LAMC3: variants seen among roughly 807,000 people sequenced by gnomAD.
LAMC3 encodes the protein laminin subunit gamma 3, also known as laminin subunit gamma-3.
LAMC3 carries 128 observed loss-of-function variants against 173.8 expected under a neutral mutation model. That is an observed-to-expected ratio of 0.74 (90% CI 0.64 to 0.85). The LOEUF (loss-of-function observed/expected upper bound fraction) is 0.85. LAMC3 is among the 40% of genes least tolerant of loss of function. LAMC3 has a pLI of 0.00. For missense variants in LAMC3, 2,022 were observed against 2,156.0 expected, an observed-to-expected ratio of 0.94 and a Z score of 1.23; for synonymous variants, 897 against 909.1, an observed-to-expected ratio of 0.99 and a Z score of 0.24.
intron 8 of LAMC3, among the ~76,000 whole-genome samples, chr9:131,046,888 C>T (rs1186603512): frequency 6.6e-6 from 1 of 152,092 alleles, no homozygotes; most frequent in Non-Finnish European, 1.5e-5. Context: ...GGGGCGGCCC[C>T]AGACATGAGG....
chr9:131,015,686 C>T (rs973080118), intron 1 of LAMC3, among the ~76,000 whole-genome samples: 1 of 152,094 alleles, frequency 6.6e-6, no homozygotes, highest in Non-Finnish European at 1.5e-5. Context: ...GACGGAGACT[C>T]GCTCCACCGC....
intron 20 of LAMC3, among the ~76,000 whole-genome samples, 165 bp from the exon 21 acceptor site, chr9:131,075,662 TGTCA>T (rs1358738289): frequency 6.6e-6 from 1 of 152,022 alleles, no homozygotes; most frequent in Admixed American, 6.6e-5. Context: ...GTACCTTTCC[TGTCA>T]GTCCTTGAAG....
chr9:131,074,291 G>A (rs1265567069), intron 20 of LAMC3, among the ~76,000 whole-genome samples: 1 of 151,980 alleles, frequency 6.6e-6, no homozygotes, highest in Non-Finnish European at 1.5e-5. Context: ...GCATGGGTGA[G>A]TGCTTCACTC....
Position 131,091,535 on chromosome 9 carries a change from A to G in LAMC3, c.4478-2A>G. ...AGTGAGGCTGTTTGTGCCCCACCAC[A>G]GGGTCGCTGGACACCCATCAAGCCC... On this transcript the variant is annotated splice_acceptor_variant, in intron 27 of 27. Coordinates refer to ENST00000361069, the MANE Select transcript of LAMC3 (RefSeq NM_006059.4). LOFTEE classifies it high-confidence loss of function. The G allele has an allele frequency of 1.3e-6, 2 of 1,577,480 alleles. No individual in the cohort carries two copies. Among genetic ancestry groups the G allele is most frequent in the African/African-American group, 1.3e-5 (1 of 74,354 alleles).
chr9:131,068,944 G>A lies in LAMC3; in HGVS notation c.2784G>A (p.Gln928=). Residue 928 remains glutamine, a synonymous_variant, in exon 16 of 28, where the codon CAG becomes CAA. Coordinates refer to ENST00000361069, the MANE Select transcript of LAMC3 (RefSeq NM_006059.4). ...KCHPLGSQED[Q]CHPKTGQCTC... The stretch of plus-strand genomic sequence containing the variant: ...ACCCACTGGGCTCCCAGGAGGACCA[G>A]TGCCATCCCAAGACTGGACAGTGCA... The A allele has an allele frequency of 6.2e-7, 1 of 1,614,114 alleles. No individual in the cohort carries two copies. The highest frequency in any genetic ancestry group is 8.5e-7 in the Non-Finnish European group (1 of 1,180,024).
chr9:131,046,180 CTTTTTTTTTTTTTTTTT>C (rs61108655), intron 8 of LAMC3, among the ~76,000 whole-genome samples: 5 of 76,542 alleles, frequency 6.5e-5, no homozygotes, highest in East Asian at 7.5e-4. Flanking sequence ...AGTTTTGCTC[CTTTTTTTTTTTTTTTTT>C]TTTTTTTTTT....
At chr9:131,015,237 C>G (rs1336575354) in intron 1 of LAMC3, among the ~76,000 whole-genome samples, 1 of 152,208 alleles carries the variant, frequency 6.6e-6, no homozygotes, top group Non-Finnish European at 1.5e-5. Flanking sequence ...TCGCTCAGAG[C>G]AAGGGAGTGA....
In LAMC3 at chr9:131,055,478, G is replaced by A. The variant is rs571945660; in HGVS notation, c.1940-1451G>A. 5.8e-3 allele frequency among the ~76,000 whole-genome samples: 820 copies of A among 141,366 alleles called. 4 individuals are homozygous for A. Among genetic ancestry groups the A allele is most frequent in the Middle Eastern group, 0.037 (10 of 268 alleles). 92.7% of individuals were successfully genotyped at this position (141,366 alleles called of 152,430 possible). ...CTTGCTCTGTCACCCAGGCTGGAGT[G>A]CAGTGGCATGATCTCTGCTCACTGC... is the stretch of plus-strand genomic sequence containing the variant. On this transcript the variant is annotated intron_variant, in intron 11 of 27. Coordinates refer to ENST00000361069, the MANE Select transcript of LAMC3 (RefSeq NM_006059.4).
Position 131,087,475 on chromosome 9 carries a change from G to A in LAMC3, c.4231-1G>A. On this transcript the variant is annotated splice_acceptor_variant, in intron 25 of 27. Transcript: ENST00000361069. LOFTEE classifies it high-confidence loss of function. Reference sequence around the variant, plus strand: ...CCCTGCCACTGCCACCCATCCCATAGCTTGCCAAGGCCTTGCTGAGGGAGC... The same window carrying A: ...CCCTGCCACTGCCACCCATCCCATAACTTGCCAAGGCCTTGCTGAGGGAGC... The A allele has an allele frequency of 6.2e-7, 1 of 1,613,794 alleles. No homozygotes were observed. The highest frequency in any genetic ancestry group is 8.5e-7 in the Non-Finnish European group (1 of 1,179,992).
At chr9:131,088,453 G>A (rs1830366831) in intron 27 of LAMC3, among the ~76,000 whole-genome samples, 1 of 152,162 alleles carries the variant, frequency 6.6e-6, no homozygotes. Flanking sequence ...AGGCATTTTG[G>A]ATGAAGGGAA....
At chr9:131,022,498 G>T (rs1417525438) in intron 1 of LAMC3, among the ~76,000 whole-genome samples, 1 of 152,050 alleles carries the variant, frequency 6.6e-6, no homozygotes, top group East Asian at 1.9e-4. Flanking sequence ...CAATCCAGTG[G>T]TTTTTAGTAT....
At chr9:131,027,724 A>G (rs924207496) in intron 2 of LAMC3, among the ~76,000 whole-genome samples, 7 of 152,196 alleles carry the variant, frequency 4.6e-5, no homozygotes, top group African/African-American at 1.7e-4. Context: ...GAACACACAC[A>G]CTGTGACCAG....
intron 25 of LAMC3, among the ~76,000 whole-genome samples, chr9:131,086,634 T>C (rs112371893): frequency 0.22 from 29,355 of 136,176 alleles, 3,599 homozygotes; most frequent in Middle Eastern, 0.29. Context: ...ACTCCTGTAA[T>C]CCCAGCACTT....
At chr9:131,076,879 C>T (rs376108717) in intron 21 of LAMC3, among the ~76,000 whole-genome samples, 2 of 152,200 alleles carry the variant, frequency 1.3e-5, no homozygotes, top group African/African-American at 2.4e-5. Context: ...CACCATTCAC[C>T]CAGAAGAGCC....
chr9:131,082,703 G>C (rs564726711), intron 24 of LAMC3, among the ~76,000 whole-genome samples: 3 of 152,370 alleles, frequency 2.0e-5, no homozygotes, highest in Admixed American at 1.3e-4. Flanking sequence ...GTATCCACCT[G>C]TGTGATGGGC....
intron 3 of LAMC3, among the ~76,000 whole-genome samples, chr9:131,033,934 A>G (rs1435169429): frequency 2.6e-5 from 4 of 152,164 alleles, no homozygotes; most frequent in African/African-American, 4.8e-5. Flanking sequence ...TGTGAGCTCC[A>G]GAGAAGGCCA....
chr9:131,022,435 C>T (rs1232599792), intron 1 of LAMC3, among the ~76,000 whole-genome samples: 1 of 152,068 alleles, frequency 6.6e-6, no homozygotes, highest in African/African-American at 2.4e-5. Context: ...GTATATATAA[C>T]AGCTTTAGGA....
rs371247790 is a variant in LAMC3, at chr9:131,032,109, T to A, written c.743T>A (p.Ile248Asn). The A allele has an allele frequency of 5.0e-6, 8 of 1,613,906 alleles. No homozygotes were observed. The highest frequency in any genetic ancestry group is 6.8e-6 in the Non-Finnish European group (8 of 1,179,978). ...CGGCTCAACACGTTTGGGGACGACA[T>A]CTTCAAGGACCCCAAGGTGCTCCAG... The part of the protein sequence containing the change: ...LDRLNTFGDD[I>N]FKDPKVLQSY... Residue 248 changes from isoleucine (I) to asparagine (N), a missense_variant, in exon 3 of 28, where the codon ATC (isoleucine) becomes AAC (asparagine). Ile to Asn is a moderately radical substitution (Grantham distance 149). Transcript: ENST00000361069.
chr9:131,041,044 G>C (rs936750018), intron 6 of LAMC3, among the ~76,000 whole-genome samples: 4 of 152,070 alleles, frequency 2.6e-5, no homozygotes, highest in Admixed American at 6.6e-5. Context: ...GGATGAATAA[G>C]TGGATGGAGG....
Sources: allele counts gnomAD v4.1 joint callset (sites outside exome capture counted in the v4.1 genomes callset), GRCh38; gene constraint gnomAD v4.1.1; transcripts MANE v1.5; gene names NCBI Gene and HGNC (gene_info 2026-07-23, HGNC 2026-07-21).